The following KIAA0513 variants were observed in gnomAD, a reference collection of about 807,000 sequenced individuals.
KIAA0513 encodes KIAA0513.
Under a neutral mutation model 56.5 loss-of-function variants are expected in KIAA0513, and 39 were observed. The observed-to-expected ratio is 0.69, with a 90% CI of 0.53 to 0.90. KIAA0513 has a LOEUF of 0.90. Ranked by LOEUF, KIAA0513 falls within the 40% of genes least tolerant of loss-of-function variation. The pLI, the probability that KIAA0513 is intolerant of heterozygous loss-of-function variation, is 0.00. For synonymous variants in KIAA0513, 268 were observed against 215.6 expected, an observed-to-expected ratio of 1.24 and a Z score of -2.13; for missense variants, 591 against 535.2, an observed-to-expected ratio of 1.10 and a Z score of -1.03.
chr16:85,087,243 C>A, intron 12 of KIAA0513, 77 bp downstream of exon 12: 1 of 1,162,648 alleles, frequency 8.6e-7, no homozygotes, highest in Admixed American at 1.7e-5. Context: ...GCTGGCGCTT[C>A]TGCACTGCCA....
chr16:85,086,023 G>A (rs1049100157), intron 10 of KIAA0513, among the ~76,000 whole-genome samples: 7 of 152,294 alleles, frequency 4.6e-5, no homozygotes, highest in East Asian at 3.9e-4. Context: ...TGAGGGCCTC[G>A]AGAAAGCCAA....
chr16:85,082,155 G>A (rs2073753315), intron 9 of KIAA0513, among the ~76,000 whole-genome samples: 1 of 152,220 alleles, frequency 6.6e-6, no homozygotes, highest in Non-Finnish European at 1.5e-5. Flanking sequence ...GAAGACTCGA[G>A]TCTACCAGCA....
At position 85,077,695 on chromosome 16, in the gene KIAA0513, C is replaced by T. The variant is rs965529706; in HGVS notation, c.782+63C>T. 15 of 1,283,486 alleles carry T rather than the reference C, an allele frequency of 1.2e-5. No homozygotes were observed. The African/African-American group carries it at 1.2e-4, about 10-fold the overall frequency. The allele number at this position is 1,283,486 out of a possible 1,614,324, so 79.5% of individuals were successfully genotyped here. A position where few individuals can be genotyped will look rare whatever the true frequency, so the allele number is the denominator to read the frequency against. ...ACTGGGGAGAGGCTGGTGTGGAGCT[C>T]GGACGGGGGCAGCAGGGAGGGTGCG... On this transcript the variant is annotated intron_variant, in intron 6 of 12. Transcript: ENST00000683363.
At chr16:85,036,645 G>A (rs1291489734) in intron 1 of KIAA0513, among the ~76,000 whole-genome samples, 1 of 152,140 alleles carries the variant, frequency 6.6e-6, no homozygotes, top group Non-Finnish European at 1.5e-5. Flanking sequence ...CCTACTGGGT[G>A]TGCTTATGTG....
intron 1 of KIAA0513, among the ~76,000 whole-genome samples, chr16:85,046,141 A>G (rs1441732749): frequency 2.6e-5 from 4 of 152,294 alleles, no homozygotes; most frequent in South Asian, 2.1e-4. Flanking sequence ...TGAGCTTTAT[A>G]TAGAGAGCCG....
At chr16:85,042,798 C>G (rs755016934) in intron 1 of KIAA0513, among the ~76,000 whole-genome samples, 1 of 152,210 alleles carries the variant, frequency 6.6e-6, no homozygotes, top group Non-Finnish European at 1.5e-5. Flanking sequence ...AGGCAGCAGT[C>G]GGCTTGGCCT....
chr16:85,038,143 G>T (rs945005334), intron 1 of KIAA0513, among the ~76,000 whole-genome samples: 4 of 152,234 alleles, frequency 2.6e-5, no homozygotes, highest in East Asian at 1.9e-4. Flanking sequence ...CGCCACCTCT[G>T]TGCACCCCAC....
intron 1 of KIAA0513, among the ~76,000 whole-genome samples, chr16:85,036,225 C>T (rs1160848849): frequency 2.0e-5 from 3 of 152,100 alleles, no homozygotes; most frequent in Non-Finnish European, 4.4e-5. Context: ...TTGTACAATT[C>T]AGTGATTCTT....
At position 85,091,928 on chromosome 16, in the gene KIAA0513, A is replaced by C. The variant is rs2073871870; in HGVS notation, c.*3603A>C. The C allele has an allele frequency of 7.0e-6, 1 of 142,462 alleles. No homozygotes were observed. The highest frequency in any genetic ancestry group is 2.0e-4 in the East Asian group (1 of 4,954). 8.8% of individuals were successfully genotyped at this position (142,462 alleles called of 1,614,324 possible). On this transcript the variant is annotated 3_prime_UTR_variant, in exon 13 of 13. Transcript: ENST00000683363. ...AGGCCTGACCTTCCTGGGTCCCACT[A>C]TCTGTTGGCATTTTTTTTTTTTTTT...
chr16:85,042,456 G>A (rs207476239), intron 1 of KIAA0513, among the ~76,000 whole-genome samples: 2 of 152,102 alleles, frequency 1.3e-5, no homozygotes, highest in African/African-American at 2.4e-5. Context: ...GTCCATACCC[G>A]CAATATTGTA....
At chr16:85,039,596 C>T (rs67381188) in intron 1 of KIAA0513, among the ~76,000 whole-genome samples, 2,560 of 152,242 alleles carry the variant, frequency 0.017, 67 homozygotes, top group African/African-American at 0.058. Flanking sequence ...GGGAATACTC[C>T]TGAGTAACTG....
chr16:85,048,679 G>A (rs1287323790), intron 1 of KIAA0513, among the ~76,000 whole-genome samples: 1 of 152,200 alleles, frequency 6.6e-6, no homozygotes, highest in African/African-American at 2.4e-5. Flanking sequence ...TGGAGTTCAA[G>A]GCTGCAGCGA....
At chr16:85,077,102 G>T (rs971101150) in intron 5 of KIAA0513, among the ~76,000 whole-genome samples, 2 of 152,210 alleles carry the variant, frequency 1.3e-5, no homozygotes, top group African/African-American at 2.4e-5. Context: ...CCTGGCACTG[G>T]CATGGTCGGG....
Position 85,092,947 on chromosome 16 carries a change from G to A in KIAA0513, c.*4622G>A, listed in dbSNP as rs1298625101. 1 of 152,320 alleles carries A rather than the reference G, an allele frequency of 6.6e-6. No individual in the cohort carries two copies. Among genetic ancestry groups the A allele is most frequent in the Non-Finnish European group, 1.5e-5 (1 of 68,118 alleles). The allele number at this position is 152,320 out of a possible 1,614,324, so 9.4% of individuals were successfully genotyped here. ...TCCTGCGGCCAACACTGGCCCGGAA[G>A]CCGCCCTCCATACAGGCCCTCAGGG... On this transcript the variant is annotated 3_prime_UTR_variant, in exon 13 of 13. Coordinates refer to ENST00000683363, the MANE Select transcript of KIAA0513 (RefSeq NM_001388359.1).
At chr16:85,035,104 A>G (rs574735487) in intron 1 of KIAA0513, among the ~76,000 whole-genome samples, 1 of 152,012 alleles carries the variant, frequency 6.6e-6, no homozygotes, top group Non-Finnish European at 1.5e-5. Flanking sequence ...GGCTGTCAAA[A>G]TCCCAGGCCC....
intron 1 of KIAA0513, among the ~76,000 whole-genome samples, chr16:85,034,774 A>G (rs2073012188): frequency 1.3e-5 from 2 of 152,150 alleles, no homozygotes; most frequent in South Asian, 4.1e-4. Context: ...AGCCAAGGTT[A>G]CCGTCCCCAT....
In KIAA0513 at chr16:85,088,377, G is replaced by A. The variant is rs1388427565; in HGVS notation, c.*52G>A. On this transcript the variant is annotated 3_prime_UTR_variant, in exon 13 of 13. Coordinates refer to ENST00000683363, the MANE Select transcript of KIAA0513 (RefSeq NM_001388359.1). ...GACTGAGGCCATGTGCCATTCTCCC[G>A]GGCCCAGCGCCCGGCCGTCACCCCA... 20 of 1,544,098 alleles carry A rather than the reference G, an allele frequency of 1.3e-5. No homozygotes were observed. Among genetic ancestry groups the A allele is most frequent in the East Asian group, 6.7e-5 (3 of 44,486 alleles).
In KIAA0513 at chr16:85,059,619, G is replaced by A. The variant is rs183562526; in HGVS notation, c.-172-7281G>A. ...TCTCATCTCTCAACTGGGAGTGAAA[G>A]CAATAATACTGCCTCAGTGGTGTGA... On this transcript the variant is annotated intron_variant, in intron 1 of 12. Transcript: ENST00000683363. Among the ~76,000 whole-genome samples the A allele has an allele frequency of 1.6e-4, 24 of 152,356 alleles. 1 individual carries two copies. The highest frequency in any genetic ancestry group is 1.4e-3 in the Admixed American group (22 of 15,304).
At chr16:85,058,441 TC>T (rs1161324372) in intron 1 of KIAA0513, among the ~76,000 whole-genome samples, 1 of 151,710 alleles carries the variant, frequency 6.6e-6, no homozygotes, top group Non-Finnish European at 1.5e-5. Context: ...ATCCCTGAGG[TC>T]AGGAGTTCGA....
Sources: allele counts gnomAD v4.1 joint callset (sites outside exome capture counted in the v4.1 genomes callset), GRCh38; gene constraint gnomAD v4.1.1; transcripts MANE v1.5; gene names NCBI Gene and HGNC (gene_info 2026-07-23, HGNC 2026-07-21).